The following SYNGR1 variants were observed in gnomAD, a reference collection of about 807,000 sequenced individuals.
SYNGR1 encodes synaptogyrin 1, also known as synaptogyrin-1.
Under a neutral mutation model 26.1 loss-of-function variants are expected in SYNGR1, and 14 were observed. That is an observed-to-expected ratio of 0.54 (90% CI 0.35 to 0.84). SYNGR1 has a LOEUF of 0.84. SYNGR1 is among the 40% of genes least tolerant of loss of function. SYNGR1 has a pLI of 0.01. For missense variants in SYNGR1, 319 were observed against 332.9 expected (o/e 0.96, Z 0.33); for synonymous variants, 141 against 150.1 (o/e 0.94, Z 0.44).
chr22:39,362,015 C>CTTT (rs377714031), intron 1 of SYNGR1, among the ~76,000 whole-genome samples: 19,932 of 139,558 alleles, frequency 0.14, 2,833 homozygotes, highest in African/African-American at 0.37. Context: ...CCTTTCTCTC[C>CTTT]TTTTTTTTTT....
rs1925628052 is a variant in SYNGR1 at position 39,385,341 on chromosome 22, G to C, written c.*3427G>C. On this transcript the variant is annotated 3_prime_UTR_variant, in exon 4 of 4. Coordinates refer to ENST00000328933, the MANE Select transcript of SYNGR1 (RefSeq NM_004711.5). ...AAATATATATATTTTCTATATATAA[G>C]ATGTATAATATAAGGCTCCACAAAT... 1.3e-5 allele frequency: 2 copies of C among 159,852 alleles called. No individual in the cohort carries two copies. Among genetic ancestry groups the C allele is most frequent in the Non-Finnish European group, 2.7e-5 (2 of 73,202 alleles). 9.9% of individuals were successfully genotyped at this position (159,852 alleles called of 1,614,324 possible).
intron 2 of SYNGR1, chr22:39,375,319 C>A (rs1925229138): frequency 6.4e-6 from 1 of 156,934 alleles, no homozygotes; most frequent in African/African-American, 2.4e-5. Flanking sequence ...CCTGGCAGTG[C>A]CTCTGGGAGG....
chr22:39,378,234 C>T (rs1183503868), intron 3 of SYNGR1: 5 of 1,035,926 alleles, frequency 4.8e-6, no homozygotes, highest in East Asian at 8.6e-5. Flanking sequence ...CTGACAAACC[C>T]GTGCACCTCT....
intron 1 of SYNGR1, among the ~76,000 whole-genome samples, chr22:39,367,100 C>T (rs1243507982): frequency 2.0e-5 from 3 of 152,230 alleles, no homozygotes; most frequent in Non-Finnish European, 4.4e-5. Flanking sequence ...CTCCCTGGGC[C>T]CCCAGTCCGC....
At chr22:39,371,745 A>G (rs1449790913) in intron 1 of SYNGR1, among the ~76,000 whole-genome samples, 5 of 152,144 alleles carry the variant, frequency 3.3e-5, no homozygotes, top group African/African-American at 1.2e-4. Context: ...TCAGCCTCCT[A>G]AAGTGCTGGG....
At chr22:39,378,809 G>A (rs1482696997) in intron 3 of SYNGR1, among the ~76,000 whole-genome samples, 1 of 152,238 alleles carries the variant, frequency 6.6e-6, no homozygotes, top group Non-Finnish European at 1.5e-5. Flanking sequence ...CTGCAGCCCA[G>A]GCCAGCGGGG....
intron 1 of SYNGR1, among the ~76,000 whole-genome samples, chr22:39,357,906 C>G (rs1312197850): frequency 6.6e-6 from 1 of 152,268 alleles, no homozygotes; most frequent in East Asian, 1.9e-4. Context: ...TCCTGTGCGG[C>G]CCGAGCCTCC....
chr22:39,375,942 A>G (rs1438382558), intron 2 of SYNGR1, 110 bp from the exon 3 acceptor site: 2 of 1,411,634 alleles, frequency 1.4e-6, no homozygotes, highest in South Asian at 2.3e-5. Flanking sequence ...GGAGCATGGG[A>G]GATGCACTCT....
Position 39,378,178 on chromosome 22 carries a change from G to A in SYNGR1, c.483+1981G>A, listed in dbSNP as rs1368766309. 4 of 1,106,288 alleles carry A rather than the reference G, an allele frequency of 3.6e-6. No individual in the cohort carries two copies. In the African/African-American group the frequency reaches 6.6e-5, roughly 18 times the overall value. The allele number at this position is 1,106,288 out of a possible 1,614,324, so 68.5% of individuals were successfully genotyped here. Reference sequence around the variant, plus strand: ...TAGGGTTAGCATCCTGGCCGAGGATGTCACAGGGCTCCTGGTCTGGCTCTG... The same window carrying A: ...TAGGGTTAGCATCCTGGCCGAGGATATCACAGGGCTCCTGGTCTGGCTCTG... On this transcript the variant is annotated intron_variant, in intron 3 of 3. Coordinates refer to ENST00000328933, the MANE Select transcript of SYNGR1 (RefSeq NM_004711.5).
In SYNGR1 at chr22:39,374,484, G is replaced by C. The variant is rs376168336; in HGVS notation, c.268G>C (p.Val90Leu). 3.7e-6 allele frequency: 6 copies of C among 1,613,746 alleles called. No individual in the cohort carries two copies. Among genetic ancestry groups the C allele is most frequent in the Non-Finnish European group, 4.2e-6 (5 of 1,180,038 alleles). Residue 90 changes from valine to leucine, a missense_variant, in exon 2 of 4, where the codon GTG (valine) becomes CTG (leucine). By Grantham distance (32) the Val-to-Leu change is conservative. Transcript: ENST00000328933. ...LTCLLYLALD[V>L]YFPQISSVKD... ...CTGCCTGCTGTACCTGGCCCTGGACGTGTACTTCCCGCAGATCAGCAGCGT... is the reference window on the plus strand; with the variant it reads ...CTGCCTGCTGTACCTGGCCCTGGACCTGTACTTCCCGCAGATCAGCAGCGT...
chr22:39,369,470 C>T (rs979984220), intron 1 of SYNGR1, among the ~76,000 whole-genome samples: 1 of 152,162 alleles, frequency 6.6e-6, no homozygotes, highest in African/African-American at 2.4e-5. Flanking sequence ...TGAAGCTACC[C>T]TCCCGGCCTT....
chr22:39,356,993 C>A (rs950082387), intron 1 of SYNGR1, among the ~76,000 whole-genome samples: 1 of 152,154 alleles, frequency 6.6e-6, no homozygotes, highest in South Asian at 2.1e-4. Context: ...CGCGATGGCT[C>A]ACACTTGTAA....
At position 39,381,732 on chromosome 22, in the gene SYNGR1, A is replaced by G. The variant is rs1925504104; in HGVS notation, c.520A>G (p.Ile174Val). Residue 174 changes from isoleucine (I) to valine (V), a missense_variant, in exon 4 of 4, where the codon ATT becomes GTT. Physicochemically the swap from Ile to Val is conservative, Grantham distance 29. Coordinates refer to ENST00000328933, the MANE Select transcript of SYNGR1 (RefSeq NM_004711.5). Reference sequence around the variant, plus strand: ...TGTGCTGGCCTTCCAGCGGTACCAGATTGGCGCCGACTCGGCCCTCTTCTC... The same window carrying G: ...TGTGCTGGCCTTCCAGCGGTACCAGGTTGGCGCCGACTCGGCCCTCTTCTC... ...QAVLAFQRYQ[I>V]GADSALFSQD... 4 of 1,612,932 alleles carry G rather than the reference A, an allele frequency of 2.5e-6. No individual in the cohort carries two copies. Among genetic ancestry groups the G allele is most frequent in the Admixed American group, 1.7e-5 (1 of 59,990 alleles).
At chr22:39,362,973 A>G (rs1200746491) in intron 1 of SYNGR1, among the ~76,000 whole-genome samples, 3 of 152,222 alleles carry the variant, frequency 2.0e-5, no homozygotes, top group Non-Finnish European at 4.4e-5. Context: ...GATGTTACCA[A>G]GAAAATTAAT....
chr22:39,370,647 A>G (rs1288079358), intron 1 of SYNGR1, among the ~76,000 whole-genome samples: 2 of 149,990 alleles, frequency 1.3e-5, no homozygotes, highest in Non-Finnish European at 3.0e-5. Flanking sequence ...TTTTGAGACA[A>G]TGTCCCGCTC....
chr22:39,377,828 T>G lies in SYNGR1; in HGVS notation c.483+1631T>G. 8 of 1,524,956 alleles carry G rather than the reference T, an allele frequency of 5.2e-6. No homozygotes were observed. In the South Asian group the frequency reaches 9.6e-5, roughly 18 times the overall value. 94.5% of individuals were successfully genotyped at this position (1,524,956 alleles called of 1,614,324 possible). Reference sequence around the variant, plus strand: ...GGCTGGCTTGAGGAACCAATTCAGGTTCTCCACTGACTCATTCATTCCTTC... The same window carrying G: ...GGCTGGCTTGAGGAACCAATTCAGGGTCTCCACTGACTCATTCATTCCTTC... On this transcript the variant is annotated intron_variant, in intron 3 of 3. Coordinates refer to ENST00000328933, the MANE Select transcript of SYNGR1 (RefSeq NM_004711.5).
At chr22:39,364,198 T>C (rs1924623105) in intron 1 of SYNGR1, 1 of 1,613,288 alleles carries the variant, frequency 6.2e-7, no homozygotes, top group Non-Finnish European at 8.5e-7. Context: ...TGGTCTCATG[T>C]TGACCTTAGA....
intron 1 of SYNGR1, among the ~76,000 whole-genome samples, chr22:39,366,623 G>A (rs1328017637): frequency 1.3e-5 from 2 of 152,022 alleles, no homozygotes; most frequent in Non-Finnish European, 2.9e-5. Flanking sequence ...TCCAGTCCGG[G>A]CAACAGAGCG....
At chr22:39,363,450 T>C (rs968026416) in intron 1 of SYNGR1, among the ~76,000 whole-genome samples, 3 of 151,604 alleles carry the variant, frequency 2.0e-5, no homozygotes, top group Admixed American at 2.0e-4. Flanking sequence ...GGGAGGAGGT[T>C]GAAGCAGCTG....
Sources: allele counts gnomAD v4.1 joint callset (sites outside exome capture counted in the v4.1 genomes callset), GRCh38; gene constraint gnomAD v4.1.1; transcripts MANE v1.5; gene names NCBI Gene and HGNC (gene_info 2026-07-23, HGNC 2026-07-21).